Variants in FBXL17 observed in about 807,000 individuals in gnomAD.
The protein encoded by FBXL17 is F-box and leucine rich repeat protein 17.
In FBXL17, 22 loss-of-function variants were observed where a neutral mutation model predicts 66.2. The ratio of observed to expected loss-of-function variants is 0.33; its 90% CI spans 0.24 to 0.47. The LOEUF is 0.47. FBXL17 is among the 20% of genes least tolerant of loss of function. The pLI, the probability that FBXL17 is intolerant of heterozygous loss-of-function variation, is 1.00. For missense variants in FBXL17, 878 were observed against 948.2 expected, an observed-to-expected ratio of 0.93 and a Z score of 0.97; for synonymous variants, 474 against 400.5, an observed-to-expected ratio of 1.18 and a Z score of -2.19.
intron 7 of FBXL17, among the ~76,000 whole-genome samples, chr5:107,909,776 G>T (rs1291719751): frequency 6.6e-6 from 1 of 152,128 alleles, no homozygotes; most frequent in Non-Finnish European, 1.5e-5. Context: ...TGAGCACAAA[G>T]ATTGAGCCAG....
At chr5:107,989,001 C>G (rs1753125790) in intron 7 of FBXL17, among the ~76,000 whole-genome samples, 1 of 151,742 alleles carries the variant, frequency 6.6e-6, no homozygotes, top group African/African-American at 2.4e-5. Flanking sequence ...CTTTTTTTCT[C>G]TTTTTATTGA....
intron 6 of FBXL17, among the ~76,000 whole-genome samples, chr5:108,172,042 A>G (rs1396717603): frequency 6.6e-6 from 1 of 152,172 alleles, no homozygotes; most frequent in Non-Finnish European, 1.5e-5. Context: ...TGAGAGTCCA[A>G]TTAAGCCTCT....
intron 7 of FBXL17, among the ~76,000 whole-genome samples, chr5:107,884,517 C>A (rs1258464705): frequency 6.6e-6 from 1 of 152,208 alleles, no homozygotes; most frequent in Non-Finnish European, 1.5e-5. Flanking sequence ...ACTCAGGTAG[C>A]CAAGTATGTA....
At chr5:107,945,736 A>T (rs191309430) in intron 7 of FBXL17, among the ~76,000 whole-genome samples, 1 of 152,332 alleles carries the variant, frequency 6.6e-6, no homozygotes, top group Non-Finnish European at 1.5e-5. Context: ...CCAGGGAATG[A>T]TACTACTAAA....
At chr5:108,188,987 T>C (rs185995573) in intron 5 of FBXL17, among the ~76,000 whole-genome samples, 87 of 152,352 alleles carry the variant, frequency 5.7e-4, no homozygotes, top group African/African-American at 2.0e-3. Context: ...TGCTGTGCTT[T>C]CTTCCTTTCC....
At chr5:108,201,357 G>A (rs138109150) in intron 5 of FBXL17, among the ~76,000 whole-genome samples, 330 of 152,214 alleles carry the variant, frequency 2.2e-3, no homozygotes, top group African/African-American at 7.8e-3. Flanking sequence ...TAAACAATAT[G>A]TATAGACACA....
Position 108,169,888 on chromosome 5 carries a change from G to C in FBXL17, c.1745+16229C>G, listed in dbSNP as rs181076673. Among the ~76,000 whole-genome samples, 734 of 152,160 alleles carry C rather than the reference G, an allele frequency of 4.8e-3. 10 individuals carry two copies. Among genetic ancestry groups the C allele is most frequent in the South Asian group, 2.9e-3 (14 of 4,824 alleles). On this transcript the variant is annotated intron_variant, in intron 6 of 8. Coordinates refer to ENST00000542267, the MANE Select transcript of FBXL17 (RefSeq NM_001163315.3). ...ATCAACATGCATTTAGTGAGCTTCT[G>C]TTTAGAAGCCCAAGATTGTGGAAAA...
At chr5:107,869,903 A>G (rs1406263657) in intron 8 of FBXL17, among the ~76,000 whole-genome samples, 1 of 152,232 alleles carries the variant, frequency 6.6e-6, no homozygotes, top group Non-Finnish European at 1.5e-5. Flanking sequence ...TGACTCATAC[A>G]TAGCAAACTT....
chr5:108,376,786 CTT>C (rs11286870), intron 1 of FBXL17, among the ~76,000 whole-genome samples: 9,622 of 110,090 alleles, frequency 0.087, 627 homozygotes, highest in East Asian at 0.38. Flanking sequence ...AGTGTATATT[CTT>C]TTTTTTTTTT....
chr5:108,359,936 T>A (rs1321487931), intron 3 of FBXL17, among the ~76,000 whole-genome samples: 2 of 152,134 alleles, frequency 1.3e-5, no homozygotes, highest in Non-Finnish European at 2.9e-5. Flanking sequence ...TCTCTCCAAG[T>A]CTTTCAATTT....
chr5:107,940,611 A>AG (rs1440464069), intron 7 of FBXL17, among the ~76,000 whole-genome samples: 1 of 152,098 alleles, frequency 6.6e-6, no homozygotes, highest in African/African-American at 2.4e-5. Flanking sequence ...GAGAAAATGA[A>AG]GTAGTTGGAG....
intron 6 of FBXL17, among the ~76,000 whole-genome samples, chr5:108,078,361 T>C (rs1051988733): frequency 2.0e-5 from 3 of 152,226 alleles, no homozygotes; most frequent in Non-Finnish European, 4.4e-5. Flanking sequence ...AGCTTGGTTG[T>C]CATATGTGAA....
At chr5:107,878,654 T>C (rs992336294) in intron 8 of FBXL17, 19 of 985,350 alleles carry the variant, frequency 1.9e-5, no homozygotes, top group Non-Finnish European at 2.0e-5. Flanking sequence ...AATCTGGAGA[T>C]GGATGGCATG....
chr5:108,279,768 T>C (rs1757628853), intron 4 of FBXL17, among the ~76,000 whole-genome samples: 1 of 151,146 alleles, frequency 6.6e-6, no homozygotes, highest in Non-Finnish European at 1.5e-5. Context: ...ACGAGATAAA[T>C]ATCTTTGGGG....
At chr5:107,954,091 A>G (rs1751584961) in intron 7 of FBXL17, among the ~76,000 whole-genome samples, 1 of 152,234 alleles carries the variant, frequency 6.6e-6, no homozygotes, top group African/African-American at 2.4e-5. Flanking sequence ...TATCTCTAAA[A>G]CATGAATAAA....
intron 7 of FBXL17, among the ~76,000 whole-genome samples, chr5:107,969,075 A>C (rs1752262057): frequency 6.6e-6 from 1 of 152,266 alleles, no homozygotes; most frequent in East Asian, 1.9e-4. Flanking sequence ...AGCCATGTTC[A>C]TCACTTATAT....
At chr5:107,928,482 G>GA (rs1222425468) in intron 7 of FBXL17, among the ~76,000 whole-genome samples, 1 of 151,310 alleles carries the variant, frequency 6.6e-6, no homozygotes, top group Non-Finnish European at 1.5e-5. Flanking sequence ...TACTCTTTTT[G>GA]AAAGAGGCTG....
intron 7 of FBXL17, among the ~76,000 whole-genome samples, chr5:107,999,452 A>AACACACACACACACAC (rs55900474): frequency 6.9e-6 from 1 of 144,436 alleles, no homozygotes; most frequent in Admixed American, 7.0e-5. Flanking sequence ...TTTTGTCAGA[A>AACACACACACACACAC]ACACACACAC....
At chr5:108,254,390 C>T (rs1474628846) in intron 4 of FBXL17, among the ~76,000 whole-genome samples, 1 of 152,144 alleles carries the variant, frequency 6.6e-6, no homozygotes, top group Non-Finnish European at 1.5e-5. Context: ...CCTATGGTCT[C>T]TTCCCTGTCA....
Sources: gnomAD v4.1 joint callset for allele counts (sites outside exome capture counted in the v4.1 genomes callset) on GRCh38, gnomAD v4.1.1 for gene constraint, MANE v1.5 for transcripts, NCBI Gene and HGNC (gene_info 2026-07-23, HGNC 2026-07-21) for gene names.